SAMD12: variants seen among roughly 807,000 people sequenced by gnomAD.
SAMD12 encodes the protein sterile alpha motif domain-containing protein 12.
Under a neutral mutation model 15.0 loss-of-function variants are expected in SAMD12, and 9 were observed. The observed-to-expected ratio is 0.60, with a 90% CI of 0.36 to 1.05. The LOEUF (loss-of-function observed/expected upper bound fraction) is 1.05. Among genes scored for constraint, SAMD12 ranks in the 50% least tolerant of loss-of-function variants. The pLI is 0.01. For missense variants in SAMD12, 230 were observed against 234.2 expected, an observed-to-expected ratio of 0.98 and a Z score of 0.12; for synonymous variants, 86 against 90.1, an observed-to-expected ratio of 0.96 and a Z score of 0.25.
intron 3 of SAMD12, among the ~76,000 whole-genome samples, chr8:118,434,792 G>A (rs895756118): frequency 3.3e-5 from 5 of 152,058 alleles, no homozygotes; most frequent in African/African-American, 7.2e-5. Context: ...TGTTCTAACC[G>A]TCTTATTCTT....
At chr8:118,222,668 G>A (rs572871974) in intron 4 of SAMD12, among the ~76,000 whole-genome samples, 5 of 152,106 alleles carry the variant, frequency 3.3e-5, no homozygotes, top group African/African-American at 1.2e-4. Flanking sequence ...ATCATGCCAG[G>A]CTAATTTTGT....
intron 4 of SAMD12, among the ~76,000 whole-genome samples, chr8:118,262,913 G>C (rs983793401): frequency 5.3e-5 from 8 of 152,148 alleles, no homozygotes; most frequent in Admixed American, 5.2e-4. Flanking sequence ...CCCAAGATTA[G>C]ACATAGAAGA....
rs1400610869 is a variant in SAMD12, at chr8:118,385,961, A to T, written c.323-6261T>A. ...ATGCCAATTGAAAGCAATAGAGAAC[A>T]CGAGACTAAATGAGGCTTAAAGAAA... On this transcript the variant is annotated intron_variant, in intron 3 of 3. Transcript: ENST00000314727. Among the ~76,000 whole-genome samples, 5 of 152,226 alleles carry T rather than the reference A, an allele frequency of 3.3e-5. No homozygotes were observed. In the East Asian group the frequency reaches 9.6e-4, roughly 29 times the overall value.
chr8:118,285,706 G>A (rs986655206), intron 4 of SAMD12, among the ~76,000 whole-genome samples: 1 of 152,186 alleles, frequency 6.6e-6, no homozygotes, highest in African/African-American at 2.4e-5. Context: ...TTTTCTGTAA[G>A]TTGGGGATAA....
intron 3 of SAMD12, among the ~76,000 whole-genome samples, chr8:118,393,597 TC>T (rs1285773642): frequency 2.6e-5 from 4 of 151,336 alleles, no homozygotes; most frequent in African/African-American, 4.8e-5. Context: ...TGCATTTTTT[TC>T]TTTTCTTTTT....
At chr8:118,223,604 C>G (rs1812126755) in intron 4 of SAMD12, among the ~76,000 whole-genome samples, 1 of 152,160 alleles carries the variant, frequency 6.6e-6, no homozygotes, top group Non-Finnish European at 1.5e-5. Flanking sequence ...TGGCTCCTGT[C>G]TTCAAAATGA....
chr8:118,541,539 A>G (rs1333437211), intron 2 of SAMD12, among the ~76,000 whole-genome samples: 1 of 152,214 alleles, frequency 6.6e-6, no homozygotes, highest in Non-Finnish European at 1.5e-5. Flanking sequence ...CATGAAAATA[A>G]TTGTAGACAG....
chr8:118,334,457 C>G (rs1454951336), intron 4 of SAMD12, among the ~76,000 whole-genome samples: 5 of 152,068 alleles, frequency 3.3e-5, no homozygotes, highest in African/African-American at 1.2e-4. Context: ...TTCTTCTTCC[C>G]CTTCCCCTTC....
rs548498756 is a variant in SAMD12, at chr8:118,234,372, T to G, written c.434-36640A>C. 5.9e-5 allele frequency among the ~76,000 whole-genome samples: 9 copies of G among 152,232 alleles called. No individual in the cohort carries two copies. The East Asian group carries it at 1.7e-3, about 29-fold the overall frequency. ...TACACATACTGATTTGGTTTTGCAT[T>G]TAGAACTTGTCTTCCCCAGTGGAAT... is the stretch of plus-strand genomic sequence containing the variant. On this transcript the variant is annotated intron_variant, in intron 4 of 4. Coordinates refer to the SAMD12 transcript ENST00000409003.
intron 2 of SAMD12, among the ~76,000 whole-genome samples, chr8:118,528,001 T>C (rs1825576131): frequency 6.6e-6 from 1 of 150,896 alleles, no homozygotes; most frequent in Admixed American, 6.7e-5. Flanking sequence ...GATTTTGGCC[T>C]ACAGTTTTTG....
chr8:118,542,444 CG>C (rs1168348153), intron 2 of SAMD12, among the ~76,000 whole-genome samples: 1 of 152,050 alleles, frequency 6.6e-6, no homozygotes, highest in Non-Finnish European at 1.5e-5. Context: ...TTTAAAATAT[CG>C]TACTAAAAAT....
intron 2 of SAMD12, among the ~76,000 whole-genome samples, chr8:118,552,797 A>C (rs930579898): frequency 6.6e-6 from 1 of 152,152 alleles, no homozygotes; most frequent in African/African-American, 2.4e-5. Context: ...GTCTCAGCCC[A>C]AAATCTCCTT....
intron 2 of SAMD12, among the ~76,000 whole-genome samples, chr8:118,541,490 T>C: frequency 6.6e-6 from 1 of 152,188 alleles, no homozygotes. Flanking sequence ...TTGTGGGATA[T>C]ACAATCTCTG....
intron 4 of SAMD12, among the ~76,000 whole-genome samples, chr8:118,247,569 T>C (rs547734390): frequency 1.3e-5 from 2 of 151,952 alleles, no homozygotes; most frequent in African/African-American, 4.8e-5. Flanking sequence ...TAAAAAAAAC[T>C]TTAAAAATTT....
At position 118,379,105 on chromosome 8, in the gene SAMD12, C is replaced by A. The variant is rs1819532410; in HGVS notation, c.*312G>T. ...GCAAAACAAAAATACAACAAAAACTCCACTTATATCACTGGTCATCGTAAC... is the reference window on the plus strand; with the variant it reads ...GCAAAACAAAAATACAACAAAAACTACACTTATATCACTGGTCATCGTAAC... On this transcript the variant is annotated 3_prime_UTR_variant, in exon 4 of 4. Coordinates refer to ENST00000314727, the MANE Select transcript of SAMD12 (RefSeq NM_207506.3). 9.2e-7 allele frequency: 1 copy of A among 1,086,212 alleles called. No homozygotes were observed. The highest frequency in any genetic ancestry group is 1.1e-6 in the Non-Finnish European group (1 of 892,050). 67.3% of individuals were successfully genotyped at this position (1,086,212 alleles called of 1,614,324 possible). A position where few individuals can be genotyped will look rare whatever the true frequency, so the allele number is the denominator to read the frequency against.
the SAMD12 span, among the ~76,000 whole-genome samples, chr8:118,169,917 A>T: frequency 2.6e-5 from 4 of 152,182 alleles, no homozygotes; most frequent in Non-Finnish European, 4.4e-5. Context: ...ATATAAACAC[A>T]CATTATGGAG....
chr8:118,420,326 G>A (rs1046876528), intron 3 of SAMD12, among the ~76,000 whole-genome samples: 9 of 152,118 alleles, frequency 5.9e-5, no homozygotes, highest in Non-Finnish European at 1.2e-4. Flanking sequence ...GGAGGTAGAA[G>A]AATTCACAGT....
chr8:118,450,364 A>G (rs1311722111), intron 2 of SAMD12, among the ~76,000 whole-genome samples: 8 of 152,154 alleles, frequency 5.3e-5, no homozygotes, highest in Non-Finnish European at 1.5e-5. Flanking sequence ...CAAGAGAAAT[A>G]TGGAGGGAGA....
At chr8:118,318,591 T>A (rs766343641) in intron 4 of SAMD12, among the ~76,000 whole-genome samples, 1 of 151,824 alleles carries the variant, frequency 6.6e-6, no homozygotes, top group Non-Finnish European at 1.5e-5. Context: ...GTGAAGGATA[T>A]AAAACTACAT....
Sources: allele counts gnomAD v4.1 joint callset (sites outside exome capture counted in the v4.1 genomes callset), GRCh38; gene constraint gnomAD v4.1.1; transcripts MANE v1.5; gene names NCBI Gene and HGNC (gene_info 2026-07-23, HGNC 2026-07-21).